Variants in JADE3 observed in about 807,000 individuals in gnomAD.
The protein encoded by JADE3 is jade family PHD finger 3, also known as protein Jade-3.
A neutral mutation model predicts 50.1 loss-of-function variants in JADE3; 2 were observed. The observed-to-expected ratio is 0.04, with a 90% confidence interval of 0.02 to 0.13. The LOEUF (loss-of-function observed/expected upper bound fraction) is 0.13. Ranked by LOEUF, JADE3 falls within the 10% of genes least tolerant of loss-of-function variation. The pLI, the probability that JADE3 is intolerant of heterozygous loss-of-function variation, is 1.00. For synonymous variants in JADE3, 218 were observed against 232.9 expected, an observed-to-expected ratio of 0.94 and a Z score of 0.58; for missense variants, 475 against 634.4, an observed-to-expected ratio of 0.75 and a Z score of 2.70.
chrX:46,980,022 G>A lies in JADE3; in HGVS notation c.-11-4862G>A, dbSNP rs1273407546. The stretch of plus-strand genomic sequence containing the variant: ...AGCCTCCCGAGTAGCTGGGATTACA[G>A]GTGCATGCCACCACACCCAGCTAAT... On this transcript the variant is annotated intron_variant, in intron 1 of 10. Transcript: ENST00000614628. Among the ~76,000 whole-genome samples, 4 of 108,129 alleles carry A rather than the reference G, an allele frequency of 3.7e-5. No individual in the cohort carries two copies. The Admixed American group carries it at 4.0e-4, about 11-fold the overall frequency. 93.9% of individuals were successfully genotyped at this position (108,129 alleles called of 115,157 possible).
intron 1 of JADE3, among the ~76,000 whole-genome samples, chrX:46,957,265 G>A (rs782679019): frequency 1.3e-5 from 1 of 76,780 alleles, no homozygotes; most frequent in Non-Finnish European, 2.7e-5. Context: ...AGATATAAAC[G>A]ATATATAGAT....
At chrX:46,961,065 C>A (rs1325831075) in intron 1 of JADE3, among the ~76,000 whole-genome samples, 1 of 111,927 alleles carries the variant, frequency 8.9e-6, no homozygotes, top group African/African-American at 3.2e-5. Flanking sequence ...GCCCCAGAAG[C>A]AGGAAAATTT....
At position 47,023,063 on chromosome X, in the gene JADE3, TTC is replaced by T. The variant is rs781857556; in HGVS notation, c.285-1659_285-1658del. 3.0e-3 allele frequency among the ~76,000 whole-genome samples: 333 copies of T among 111,694 alleles called. 3 individuals carry two copies. Among genetic ancestry groups the T allele is most frequent in the African/African-American group, 9.6e-3 (294 of 30,748 alleles). On this transcript the variant is annotated intron_variant, in intron 4 of 10. Coordinates refer to ENST00000614628, the MANE Select transcript of JADE3 (RefSeq NM_014735.5). ...TTTACTGTACACTAAGCCAAACACT[TTC>T]TGTTTTTTTCTATATAATTGTTATA...
intron 8 of JADE3, among the ~76,000 whole-genome samples, chrX:47,049,725 C>T (rs1341918459): frequency 2.9e-5 from 3 of 103,722 alleles, no homozygotes; most frequent in African/African-American, 1.0e-4. Context: ...GGATTATAGG[C>T]GTGAGCCACT....
chrX:47,043,110 A>G (rs1929300300), intron 8 of JADE3, among the ~76,000 whole-genome samples: 1 of 112,215 alleles, frequency 8.9e-6, no homozygotes, highest in African/African-American at 3.2e-5. Flanking sequence ...CCAACGTAGT[A>G]TATCTACAAG....
intron 4 of JADE3, among the ~76,000 whole-genome samples, chrX:47,015,521 T>C (rs1928650700): frequency 9.3e-6 from 1 of 107,340 alleles, no homozygotes; most frequent in Non-Finnish European, 1.9e-5. Flanking sequence ...GAAACAGAGG[T>C]TGCAGTGAGC....
At chrX:46,933,465 G>T (rs1308026932) in intron 1 of JADE3, among the ~76,000 whole-genome samples, 1 of 112,221 alleles carries the variant, frequency 8.9e-6, no homozygotes, top group Non-Finnish European at 1.9e-5. Flanking sequence ...TTAAAACATG[G>T]TTCACTAATT....
At chrX:47,038,783 A>G (rs1353223513) in intron 7 of JADE3, among the ~76,000 whole-genome samples, 166 bp from the exon 8 acceptor site, 1 of 111,470 alleles carries the variant, frequency 9.0e-6, no homozygotes, top group Non-Finnish European at 1.9e-5. Context: ...AGGACTGAGC[A>G]GTGGAAATAA....
At chrX:46,961,322 G>A (rs889463775) in intron 1 of JADE3, among the ~76,000 whole-genome samples, 1 of 111,374 alleles carries the variant, frequency 9.0e-6, no homozygotes, top group Non-Finnish European at 1.9e-5. Flanking sequence ...TGTCTACAAC[G>A]GAACGCTCTG....
At chrX:47,029,495 TCTGTC>T (rs1267133843) in intron 6 of JADE3, among the ~76,000 whole-genome samples, 1 of 111,859 alleles carries the variant, frequency 8.9e-6, no homozygotes, top group Non-Finnish European at 1.9e-5. Context: ...GAACTTCAGT[TCTGTC>T]CTGTCAACCC....
At chrX:46,995,028 GA>G (rs1256149627) in intron 3 of JADE3, among the ~76,000 whole-genome samples, 3 of 107,087 alleles carry the variant, frequency 2.8e-5, no homozygotes, top group African/African-American at 1.0e-4. Context: ...ATTCCTTTAA[GA>G]TTTTTTTTTT....
At chrX:46,959,532 A>T (rs1927210674) in intron 1 of JADE3, among the ~76,000 whole-genome samples, 2 of 111,957 alleles carry the variant, frequency 1.8e-5, no homozygotes, top group South Asian at 7.5e-4. Flanking sequence ...ATGGACTTTA[A>T]TGTGCCCACA....
intron 4 of JADE3, among the ~76,000 whole-genome samples, chrX:47,002,087 C>A (rs1413027514): frequency 9.0e-6 from 1 of 111,206 alleles, no homozygotes; most frequent in Non-Finnish European, 1.9e-5. Context: ...GAGGGTCGTT[C>A]ACAAAGTATA....
intron 1 of JADE3, among the ~76,000 whole-genome samples, chrX:46,926,291 C>T (rs1223402166): frequency 9.3e-6 from 1 of 107,642 alleles, no homozygotes; most frequent in Admixed American, 1.0e-4. Context: ...ACTTTGTTGC[C>T]CAAGCTGGAG....
At chrX:47,049,593 G>C (rs1929457275) in intron 8 of JADE3, among the ~76,000 whole-genome samples, 1 of 107,967 alleles carries the variant, frequency 9.3e-6, no homozygotes, top group African/African-American at 3.4e-5. Context: ...CCACAGGTGT[G>C]CACCACCACA....
intron 1 of JADE3, among the ~76,000 whole-genome samples, chrX:46,971,826 T>C (rs1471474518): frequency 1.8e-5 from 2 of 109,423 alleles, no homozygotes; most frequent in Admixed American, 2.0e-4. Context: ...AAAGCAGATT[T>C]TAATTTAGAA....
chrX:47,055,868 T>G (rs1929622705), intron 9 of JADE3, among the ~76,000 whole-genome samples: 1 of 112,128 alleles, frequency 8.9e-6, no homozygotes, highest in Admixed American at 9.5e-5. Flanking sequence ...AAGGCAGATT[T>G]GGAGCATTTT....
intron 1 of JADE3, among the ~76,000 whole-genome samples, chrX:46,976,352 A>G (rs948440804): frequency 1.8e-5 from 2 of 112,048 alleles, no homozygotes; most frequent in Non-Finnish European, 3.8e-5. Context: ...TGACTTCCAG[A>G]CAGTCCTCCT....
At chrX:46,930,031 G>A (rs1271725925) in intron 1 of JADE3, among the ~76,000 whole-genome samples, 1 of 112,339 alleles carries the variant, frequency 8.9e-6, no homozygotes, top group Non-Finnish European at 1.9e-5. Flanking sequence ...CACTTAGAGT[G>A]TGATTTTGCA....
Sources: allele counts gnomAD v4.1 joint callset (sites outside exome capture counted in the v4.1 genomes callset), GRCh38; gene constraint gnomAD v4.1.1; transcripts MANE v1.5; gene names NCBI Gene and HGNC (gene_info 2026-07-23, HGNC 2026-07-21).